Variants in ANTXR1 observed in about 807,000 individuals in gnomAD.
ANTXR1 encodes the protein ANTXR cell adhesion molecule 1, also known as anthrax toxin receptor 1.
A neutral mutation model predicts 78.1 loss-of-function variants in ANTXR1; 19 were observed. That is an observed-to-expected ratio of 0.24 (90% CI 0.17 to 0.36). The LOEUF (loss-of-function observed/expected upper bound fraction) is 0.36. Ranked by LOEUF, ANTXR1 falls within the 10% of genes least tolerant of loss-of-function variation. ANTXR1 has a pLI of 1.00. For missense variants in ANTXR1, 518 were observed against 718.6 expected (o/e 0.72, Z 3.19); for synonymous variants, 273 against 260.5 (o/e 1.05, Z -0.46).
At chr2:69,234,001 A>G (rs1292490689) in intron 17 of ANTXR1, among the ~76,000 whole-genome samples, 1 of 152,154 alleles carries the variant, frequency 6.6e-6, no homozygotes, top group Admixed American at 6.5e-5. Context: ...GAAAATCACA[A>G]ATTTGGAATG....
At chr2:69,101,939 T>C (rs1391679028) in intron 9 of ANTXR1, among the ~76,000 whole-genome samples, 1 of 152,230 alleles carries the variant, frequency 6.6e-6, no homozygotes. Context: ...TTTTCCATGG[T>C]AGGAGTATGG....
At chr2:69,054,158 ATATGT>A in intron 3 of ANTXR1, among the ~76,000 whole-genome samples, 1 of 138,876 alleles carries the variant, frequency 7.2e-6, no homozygotes, top group African/African-American at 3.2e-5. Context: ...TACATTTATT[ATATGT>A]ATTATCAAAG....
rs34500820 is a variant in ANTXR1, at chr2:69,188,034, CAAAAAAA to C, written c.1354-5280_1354-5274del. 6.3e-4 allele frequency among the ~76,000 whole-genome samples: 57 copies of C among 90,786 alleles called. 1 individual carries two copies. The highest frequency in any genetic ancestry group is 5.2e-3 in the Middle Eastern group (1 of 192). The allele number at this position is 90,786 out of a possible 152,430, so 59.6% of individuals were successfully genotyped here. ...AAGAAAAGATACAACTGCTGCCTGG[CAAAAAAA>C]AAAAAAAAAAAAAAAAAAAAGAGGA... is the stretch of plus-strand genomic sequence containing the variant. On this transcript the variant is annotated intron_variant, in intron 16 of 17. Transcript: ENST00000303714.
intron 14 of ANTXR1, among the ~76,000 whole-genome samples, chr2:69,175,568 G>A (rs146140450): frequency 1.3e-5 from 2 of 152,186 alleles, no homozygotes; most frequent in African/African-American, 2.4e-5. Context: ...AAACTGCAGT[G>A]AACCATGTTC....
chr2:69,220,742 C>G (rs770217818), intron 17 of ANTXR1, among the ~76,000 whole-genome samples: 2 of 152,204 alleles, frequency 1.3e-5, no homozygotes, highest in Non-Finnish European at 2.9e-5. Flanking sequence ...CAGACAGGGT[C>G]AGTTGTCTTC....
At chr2:69,056,754 A>G (rs987636308) in intron 3 of ANTXR1, among the ~76,000 whole-genome samples, 2 of 152,134 alleles carry the variant, frequency 1.3e-5, no homozygotes, top group South Asian at 4.1e-4. Context: ...GCTCACTACA[A>G]CTTCCGCCTC....
chr2:69,128,724 T>C (rs755555783), intron 12 of ANTXR1, among the ~76,000 whole-genome samples: 9 of 152,202 alleles, frequency 5.9e-5, no homozygotes, highest in Non-Finnish European at 1.2e-4. Context: ...AAATATGAAG[T>C]AAGGTCTTGG....
intron 8 of ANTXR1, among the ~76,000 whole-genome samples, chr2:69,085,018 A>G (rs72897357): frequency 0.021 from 3,174 of 151,906 alleles, 106 homozygotes; most frequent in African/African-American, 0.071. Flanking sequence ...ACACCTGGCT[A>G]ATTTTTTGTA....
Position 69,248,211 on chromosome 2 carries a change from GT to G in ANTXR1, c.*2737del, listed in dbSNP as rs57223047. 41,965 of 159,420 alleles carry G rather than the reference GT, an allele frequency of 0.26. 7,776 individuals are homozygous for G. Among genetic ancestry groups the G allele is most frequent in the African/African-American group, 0.55 (22,662 of 40,848 alleles). The allele number at this position is 159,420 out of a possible 1,614,324, so 9.9% of individuals were successfully genotyped here. A position where few individuals can be genotyped will look rare whatever the true frequency, so the allele number is the denominator to read the frequency against. On this transcript the variant is annotated 3_prime_UTR_variant, in exon 18 of 18. Coordinates refer to ENST00000303714, the MANE Select transcript of ANTXR1 (RefSeq NM_032208.3). ...CCCCGTGTTATTGTCCTTTTGAACT[GT>G]TTTTTTTTTTATTAAAGCCAAATTT...
intron 17 of ANTXR1, among the ~76,000 whole-genome samples, chr2:69,208,319 T>C (rs1017256100): frequency 9.2e-5 from 14 of 152,230 alleles, no homozygotes. Context: ...TTTTAGATCC[T>C]GAACATCTCA....
At chr2:69,048,810 C>G (rs1669849135) in intron 3 of ANTXR1, among the ~76,000 whole-genome samples, 1 of 152,074 alleles carries the variant, frequency 6.6e-6, no homozygotes, top group South Asian at 2.1e-4. Context: ...TGGATTTTTC[C>G]AACCACATAC....
chr2:69,151,823 G>A (rs758421603), intron 12 of ANTXR1, among the ~76,000 whole-genome samples: 23 of 152,212 alleles, frequency 1.5e-4, no homozygotes, highest in Non-Finnish European at 3.4e-4. Context: ...ACCCAGTGAG[G>A]AGGCTGTCAC....
chr2:69,248,882 T>C lies in ANTXR1; in HGVS notation c.*3397T>C, dbSNP rs1253396911. On this transcript the variant is annotated 3_prime_UTR_variant, in exon 18 of 18. Coordinates refer to ENST00000303714, the MANE Select transcript of ANTXR1 (RefSeq NM_032208.3). ...TGCACATCCTGTGGGAATGGAGTGT[T>C]CTAACCAATTGCCTTTTCTTGTTAT... 4.0e-5 allele frequency: 6 copies of C among 151,322 alleles called. No homozygotes were observed. Among genetic ancestry groups the C allele is most frequent in the Admixed American group, 3.3e-4 (5 of 15,276 alleles). The allele number at this position is 151,322 out of a possible 1,614,324, so 9.4% of individuals were successfully genotyped here.
chr2:69,056,095 C>A (rs1282850638), intron 3 of ANTXR1, among the ~76,000 whole-genome samples: 1 of 152,170 alleles, frequency 6.6e-6, no homozygotes. Flanking sequence ...AGAATAAAAA[C>A]TGACAAAGCA....
intron 17 of ANTXR1, among the ~76,000 whole-genome samples, chr2:69,204,324 C>G (rs1463349128): frequency 2.6e-5 from 4 of 152,108 alleles, no homozygotes; most frequent in African/African-American, 9.7e-5. Flanking sequence ...TATAAAACAT[C>G]CACACACACC....
chr2:69,151,591 G>C (rs996206647), intron 12 of ANTXR1, among the ~76,000 whole-genome samples: 1 of 152,138 alleles, frequency 6.6e-6, no homozygotes, highest in Non-Finnish European at 1.5e-5. Flanking sequence ...GTAGCCACTT[G>C]ATCTGACTGT....
rs1670987818 is a variant in ANTXR1 at position 69,084,473 on chromosome 2, G to A, written c.643-6386G>A. ...TAAGATACACAAACTGCTTCAAAAT[G>A]TGTTTTGTTGCATGTAAGCGTGGTA... On this transcript the variant is annotated intron_variant, in intron 8 of 17. Transcript: ENST00000303714. Among the ~76,000 whole-genome samples, 2 of 152,020 alleles carry A rather than the reference G, an allele frequency of 1.3e-5. 1 individual carries two copies. The highest frequency in any genetic ancestry group is 4.1e-4 in the South Asian group (2 of 4,834).
At chr2:69,201,574 TAGC>T (rs1345119937) in intron 17 of ANTXR1, among the ~76,000 whole-genome samples, 1 of 152,188 alleles carries the variant, frequency 6.6e-6, no homozygotes, top group African/African-American at 2.4e-5. Flanking sequence ...AGTGTGGACA[TAGC>T]GGCAGTGAGA....
At chr2:69,037,154 G>C (rs1285900049) in intron 1 of ANTXR1, among the ~76,000 whole-genome samples, 1 of 152,208 alleles carries the variant, frequency 6.6e-6, no homozygotes, top group Non-Finnish European at 1.5e-5. Context: ...GAATTGGCGA[G>C]AGCCATCTGA....
Sources: allele counts gnomAD v4.1 joint callset (sites outside exome capture counted in the v4.1 genomes callset), GRCh38; gene constraint gnomAD v4.1.1; transcripts MANE v1.5; gene names NCBI Gene and HGNC (gene_info 2026-07-23, HGNC 2026-07-21).